The following LSAMP variants were observed in gnomAD, a reference collection of about 807,000 sequenced individuals.
The protein encoded by LSAMP is limbic system-associated membrane protein.
A neutral mutation model predicts 38.6 loss-of-function variants in LSAMP; 7 were observed. That is an observed-to-expected ratio of 0.18 (90% CI 0.10 to 0.34). LSAMP has a LOEUF of 0.34. Among genes scored for constraint, LSAMP ranks in the 10% least tolerant of loss-of-function variants. LSAMP has a pLI of 1.00. For missense variants in LSAMP, 313 were observed against 420.0 expected (o/e 0.75, Z 2.23); for synonymous variants, 154 against 166.8 (o/e 0.92, Z 0.59).
In LSAMP at chr3:116,144,749, G is replaced by T. The variant is rs549398936; in HGVS notation, c.156-58193C>A. On this transcript the variant is annotated intron_variant, in intron 1 of 6. Coordinates refer to ENST00000490035, the MANE Select transcript of LSAMP (RefSeq NM_002338.5). ...TATTCTGTTGATGAAAGTCTATTTT[G>T]TTTTTTATTACATCTTACTTTTAAT... 2.0e-5 allele frequency among the ~76,000 whole-genome samples: 3 copies of T among 151,692 alleles called. No homozygotes were observed. In the South Asian group the frequency reaches 6.2e-4, roughly 31 times the overall value.
At chr3:115,945,797 A>G (rs780341197) in intron 3 of LSAMP, among the ~76,000 whole-genome samples, 3 of 152,172 alleles carry the variant, frequency 2.0e-5, no homozygotes, top group Non-Finnish European at 4.4e-5. Context: ...ACTCTGCTCA[A>G]CTAGACACCT....
At chr3:116,010,441 G>C (rs1028618460) in intron 3 of LSAMP, among the ~76,000 whole-genome samples, 9 of 152,306 alleles carry the variant, frequency 5.9e-5, no homozygotes, top group African/African-American at 2.2e-4. Flanking sequence ...TGGGAACTAA[G>C]GACATGCAGG....
chr3:116,044,830 G>T (rs1208895017), intron 2 of LSAMP, among the ~76,000 whole-genome samples: 2 of 152,118 alleles, frequency 1.3e-5, no homozygotes, highest in Admixed American at 1.3e-4. Flanking sequence ...GGGAGCTCAG[G>T]CTGCATGGAG....
intron 2 of LSAMP, among the ~76,000 whole-genome samples, chr3:116,031,450 G>T (rs1258516936): frequency 1.4e-5 from 2 of 145,406 alleles, no homozygotes; most frequent in East Asian, 4.2e-4. Flanking sequence ...ATTTCATTTT[G>T]GGAATCAGAA....
chr3:116,369,250 T>G (rs2048398188), intron 1 of LSAMP, among the ~76,000 whole-genome samples: 1 of 152,102 alleles, frequency 6.6e-6, no homozygotes, highest in African/African-American at 2.4e-5. Flanking sequence ...AACCTACTGG[T>G]TGAGGCAGAC....
chr3:115,992,996 T>G lies in LSAMP; in HGVS notation c.514+26519A>C, dbSNP rs145734767. ...TGGTGCCAATTTCTCCTGCATTTGTTTTCAGCTTTCTGAAGTTCGATATTG... is the reference window on the plus strand; with the variant it reads ...TGGTGCCAATTTCTCCTGCATTTGTGTTCAGCTTTCTGAAGTTCGATATTG... On this transcript the variant is annotated intron_variant, in intron 3 of 6. Transcript: ENST00000490035. 6.1e-3 allele frequency among the ~76,000 whole-genome samples: 933 copies of G among 152,224 alleles called. 7 individuals carry two copies. The highest frequency in any genetic ancestry group is 0.02 in the African/African-American group (850 of 41,554).
chr3:115,928,808 G>C (rs968900596), intron 3 of LSAMP, among the ~76,000 whole-genome samples: 1 of 152,130 alleles, frequency 6.6e-6, no homozygotes, highest in Non-Finnish European at 1.5e-5. Context: ...TCACAGGCCA[G>C]TGAAAGGAAA....
intron 1 of LSAMP, among the ~76,000 whole-genome samples, chr3:116,345,685 G>GT (rs2048055825): frequency 6.6e-6 from 1 of 151,326 alleles, no homozygotes; most frequent in Non-Finnish European, 1.5e-5. Context: ...ATTTGTTTGG[G>GT]TTTTATTTGT....
chr3:116,348,765 G>T (rs554366344), intron 1 of LSAMP, among the ~76,000 whole-genome samples: 1 of 152,140 alleles, frequency 6.6e-6, no homozygotes, highest in South Asian at 2.1e-4. Context: ...CATAAAATGA[G>T]ATGATAATAT....
intron 1 of LSAMP, among the ~76,000 whole-genome samples, chr3:116,303,689 G>A (rs1204588377): frequency 1.3e-5 from 2 of 152,152 alleles, no homozygotes; most frequent in East Asian, 1.9e-4. Context: ...AGTGTACAGA[G>A]AGGTTAATCA....
chr3:115,985,065 C>T (rs949446919), intron 3 of LSAMP, among the ~76,000 whole-genome samples: 1 of 152,092 alleles, frequency 6.6e-6, no homozygotes, highest in Non-Finnish European at 1.5e-5. Flanking sequence ...GTATCAGAGC[C>T]AAAAGGCTTT....
intron 1 of LSAMP, among the ~76,000 whole-genome samples, chr3:116,203,715 A>G (rs2046024251): frequency 6.6e-6 from 1 of 151,812 alleles, no homozygotes; most frequent in African/African-American, 2.4e-5. Flanking sequence ...CCATGTCCCT[A>G]CAAAGGACAT....
chr3:116,047,909 T>C (rs1454263431), intron 2 of LSAMP, among the ~76,000 whole-genome samples: 1 of 152,208 alleles, frequency 6.6e-6, no homozygotes, highest in Non-Finnish European at 1.5e-5. Context: ...TAACATCCAC[T>C]ATCTTTGCAT....
At position 116,051,804 on chromosome 3, in the gene LSAMP, T is replaced by A. The variant is rs541442023; in HGVS notation, c.389-32164A>T. The stretch of plus-strand genomic sequence containing the variant: ...CTACCAGTTGGAAGTCACTGGCAGG[T>A]GCTCATCGGTGAAATGGTGCAGGGG... On this transcript the variant is annotated intron_variant, in intron 2 of 6. Transcript: ENST00000490035. Among the ~76,000 whole-genome samples the A allele has an allele frequency of 2.7e-3, 408 of 151,598 alleles. 4 individuals are homozygous for A. Among genetic ancestry groups the A allele is most frequent in the African/African-American group, 9.4e-3 (389 of 41,316 alleles).
At chr3:116,192,531 T>C (rs1446865503) in intron 1 of LSAMP, among the ~76,000 whole-genome samples, 1 of 152,234 alleles carries the variant, frequency 6.6e-6, no homozygotes, top group Non-Finnish European at 1.5e-5. Flanking sequence ...TCTCACTCAT[T>C]TTCCCTGTAT....
chr3:115,926,895 C>T (rs1173369714), intron 3 of LSAMP, among the ~76,000 whole-genome samples: 1 of 152,122 alleles, frequency 6.6e-6, no homozygotes, highest in Non-Finnish European at 1.5e-5. Context: ...AAATTCTATT[C>T]ATCTATCTGA....
intron 1 of LSAMP, among the ~76,000 whole-genome samples, chr3:116,239,295 T>A (rs980066424): frequency 2.0e-5 from 3 of 152,146 alleles, no homozygotes; most frequent in Non-Finnish European, 4.4e-5. Flanking sequence ...TTGATAAAGT[T>A]CACTTACTAA....
intron 1 of LSAMP, among the ~76,000 whole-genome samples, chr3:116,215,046 A>G (rs145640908): frequency 6.6e-6 from 1 of 152,340 alleles, no homozygotes; most frequent in East Asian, 1.9e-4. Context: ...AACATTATTA[A>G]GAACTCAGTA....
intron 1 of LSAMP, among the ~76,000 whole-genome samples, chr3:116,345,689 T>C (rs2048055888): frequency 6.6e-6 from 1 of 152,152 alleles, no homozygotes; most frequent in South Asian, 2.1e-4. Context: ...GTTTGGGTTT[T>C]ATTTGTTTGT....
Sources: gnomAD v4.1 joint callset for allele counts (sites outside exome capture counted in the v4.1 genomes callset) on GRCh38, gnomAD v4.1.1 for gene constraint, MANE v1.5 for transcripts, NCBI Gene and HGNC (gene_info 2026-07-23, HGNC 2026-07-21) for gene names.